The following RGMB variants were observed in gnomAD, a reference collection of about 807,000 sequenced individuals.
RGMB encodes repulsive guidance molecule BMP co-receptor b.
Under a neutral mutation model 26.9 loss-of-function variants are expected in RGMB, and 16 were observed. The ratio of observed to expected loss-of-function variants is 0.60; its 90% CI spans 0.40 to 0.90. RGMB has a LOEUF of 0.90. Ranked by LOEUF, RGMB falls within the 40% of genes least tolerant of loss-of-function variation. The pLI is 0.00. For synonymous variants in RGMB, 225 were observed against 229.3 expected, an observed-to-expected ratio of 0.98 and a Z score of 0.17; for missense variants, 512 against 573.3, an observed-to-expected ratio of 0.89 and a Z score of 1.09.
chr5:98,784,268 T>C (rs1394366497), intron 2 of RGMB, among the ~76,000 whole-genome samples: 1 of 152,214 alleles, frequency 6.6e-6, no homozygotes, highest in African/African-American at 2.4e-5. Flanking sequence ...CATAGTAGCA[T>C]ACCCATCATG....
In RGMB at chr5:98,777,577, GC is replaced by G. The variant is rs553321206; in HGVS notation, c.137-2001del. 3.2e-3 allele frequency among the ~76,000 whole-genome samples: 484 copies of G among 152,284 alleles called. 3 individuals are homozygous for G. The highest frequency in any genetic ancestry group is 0.011 in the African/African-American group (459 of 41,548). On this transcript the variant is annotated intron_variant, in intron 1 of 2. Coordinates refer to ENST00000513185, the MANE Select transcript of RGMB (RefSeq NM_001366508.1). ...ATGATGCTAGCTGTTTTATGATTCT[GC>G]CAGAACAAGCCCTTTAATATCCCTT...
chr5:98,774,279 A>G (rs1371426082), intron 1 of RGMB, 73 bp downstream of exon 1: 1 of 1,323,626 alleles, frequency 7.6e-7, no homozygotes, highest in Non-Finnish European at 9.6e-7. Flanking sequence ...CCAGGTCTCG[A>G]AGGCGCTCGC....
chr5:98,771,805 C>T (rs940094866), upstream of RGMB: 1 of 152,106 alleles, frequency 6.6e-6, no homozygotes, highest in African/African-American at 2.4e-5. Context: ...AGTAAAAAAT[C>T]ATAGAAAGTC....
upstream of RGMB, chr5:98,770,699 A>C: frequency 7.1e-7 from 1 of 1,416,798 alleles, no homozygotes. Flanking sequence ...TGATTTCTCA[A>C]GTCGCCCGCT....
Position 98,779,964 on chromosome 5 carries a change from T to G in RGMB, c.521T>G (p.Phe174Cys). ...TTTGGAGATCCTCACCTCAGAACTT[T>G]CAAGGATAACTTCCAAACATGCAAA... is the stretch of plus-strand genomic sequence containing the variant. ...GLFGDPHLRT[F>C]KDNFQTCKVE... Residue 174 changes from phenylalanine (F) to cysteine (C), a missense_variant, in exon 2 of 3, where the codon TTC (phenylalanine) becomes TGC (cysteine). Phe to Cys is a radical substitution (Grantham distance 205). Coordinates refer to ENST00000513185, the MANE Select transcript of RGMB (RefSeq NM_001366508.1). 1 of 1,613,538 alleles carries G rather than the reference T, an allele frequency of 6.2e-7. No individual in the cohort carries two copies.
At chr5:98,771,207 A>G (rs1746151094), upstream of RGMB, 1 of 152,352 alleles carries the variant, frequency 6.6e-6, no homozygotes, top group South Asian at 2.1e-4. Flanking sequence ...AGAAAGGGAG[A>G]AAGAGTACCA....
chr5:98,782,350 A>C (rs1457817731), intron 2 of RGMB, among the ~76,000 whole-genome samples: 1 of 152,266 alleles, frequency 6.6e-6, no homozygotes, highest in Admixed American at 6.5e-5. Flanking sequence ...AACCTTCAGC[A>C]CAAAAAAGTG....
In RGMB at chr5:98,796,422, CAGTG is replaced by C. The variant is rs962655204; in HGVS notation, c.*2674_*2677del. 2.2e-4 allele frequency: 31 copies of C among 143,720 alleles called. No homozygotes were observed. The East Asian group carries it at 2.9e-3, about 13-fold the overall frequency. 8.9% of individuals were successfully genotyped at this position (143,720 alleles called of 1,614,324 possible). On this transcript the variant is annotated 3_prime_UTR_variant, in exon 3 of 3. Coordinates refer to ENST00000513185, the MANE Select transcript of RGMB (RefSeq NM_001366508.1). The stretch of plus-strand genomic sequence containing the variant: ...TATATGAATACGTATCTGTGTAAAA[CAGTG>C]AGTGTGCAGTGTGTAAATACTTTAA...
At chr5:98,771,900 ATGC>A (rs1456921975), upstream of RGMB, 1 of 151,782 alleles carries the variant, frequency 6.6e-6, no homozygotes, top group Non-Finnish European at 1.5e-5. Context: ...ATAAAGTGAG[ATGC>A]TGCTTTTATA....
At position 98,774,013 on chromosome 5, in the gene RGMB, C is replaced by A; in HGVS notation, c.-58C>A. On this transcript the variant is annotated 5_prime_UTR_variant, in exon 1 of 3. Transcript: ENST00000513185. Reference sequence around the variant, plus strand: ...CATGCCGCAGCCACGGGCCCAGACCCGCCACGGCGCCCGCGCCGCCGCCCT... The same window carrying A: ...CATGCCGCAGCCACGGGCCCAGACCAGCCACGGCGCCCGCGCCGCCGCCCT... 1 of 654,192 alleles carries A rather than the reference C, an allele frequency of 1.5e-6. No homozygotes were observed. Among genetic ancestry groups the A allele is most frequent in the Non-Finnish European group, 2.7e-6 (1 of 372,596 alleles). The allele number at this position is 654,192 out of a possible 1,614,324, so 40.5% of individuals were successfully genotyped here.
At position 98,793,861 on chromosome 5, in the gene RGMB, A is replaced by G. The variant is rs1747027129; in HGVS notation, c.*108A>G. 1 of 867,546 alleles carries G rather than the reference A, an allele frequency of 1.2e-6. No individual in the cohort carries two copies. The highest frequency in any genetic ancestry group is 3.0e-5 in the Admixed American group (1 of 33,540). 53.7% of individuals were successfully genotyped at this position (867,546 alleles called of 1,614,324 possible). A position where few individuals can be genotyped will look rare whatever the true frequency, so the allele number is the denominator to read the frequency against. ...GAGTATATATGTATATACCATGTAT[A>G]TGACAGGATGTTTGTCCTGGGACAC... On this transcript the variant is annotated 3_prime_UTR_variant, in exon 3 of 3. Coordinates refer to ENST00000513185, the MANE Select transcript of RGMB (RefSeq NM_001366508.1).
intron 2 of RGMB, among the ~76,000 whole-genome samples, chr5:98,784,067 G>A (rs118155543): frequency 1.3e-5 from 2 of 152,304 alleles, no homozygotes; most frequent in East Asian, 1.9e-4. Context: ...TCACCCTTGA[G>A]TGAGAGAAGG....
intron 2 of RGMB, among the ~76,000 whole-genome samples, chr5:98,789,527 T>C (rs993559761): frequency 6.6e-6 from 1 of 152,134 alleles, no homozygotes; most frequent in Non-Finnish European, 1.5e-5. Flanking sequence ...CCTCTTAAAA[T>C]TATTTCACAG....
chr5:98,785,147 G>A (rs1580285981), intron 2 of RGMB, among the ~76,000 whole-genome samples: 1 of 152,232 alleles, frequency 6.6e-6, no homozygotes, highest in Admixed American at 6.5e-5. Flanking sequence ...ACACCTCCCT[G>A]CTTAATGTAA....
At chr5:98,771,254 G>C (rs1015543868), upstream of RGMB, 1 of 152,218 alleles carries the variant, frequency 6.6e-6, no homozygotes, top group Admixed American at 6.5e-5. Flanking sequence ...AATTACACAA[G>C]TCATCAGCCA....
chr5:98,779,726 A>G lies in RGMB; in HGVS notation c.283A>G (p.Thr95Ala), dbSNP rs773852734. The change falls in exon 2 of 3, where the codon ACT becomes GCT. Residue 95 changes from threonine to alanine, a missense_variant. Thr to Ala is a moderately conservative substitution (Grantham distance 58, BLOSUM62 0). Transcript: ENST00000513185. ...LRAYAGCTQRTSKACRGNLVY... is the reference protein window; with the variant it reads ...LRAYAGCTQRASKACRGNLVY... Reference sequence around the variant, plus strand: ...TGCCTATGCTGGCTGCACCCAGCGAACTTCAAAAGCCTGCCGTGGCAACCT... The same window carrying G: ...TGCCTATGCTGGCTGCACCCAGCGAGCTTCAAAAGCCTGCCGTGGCAACCT... The G allele has an allele frequency of 6.2e-7, 1 of 1,613,136 alleles. No homozygotes were observed.
chr5:98,771,410 G>C (rs1191109155), upstream of RGMB, among the ~76,000 whole-genome samples: 2 of 152,104 alleles, frequency 1.3e-5, no homozygotes, highest in Non-Finnish European at 2.9e-5. Context: ...GAGTGGCTGC[G>C]GTATAAGCGA....
chr5:98,789,436 T>G lies in RGMB; in HGVS notation c.646-3649T>G, dbSNP rs560884624. On this transcript the variant is annotated intron_variant, in intron 2 of 2. Transcript: ENST00000513185. ...GTACCTCTTGGCGAGGCAGTACCTG[T>G]GTATTTCCCTCTTTGTTGGCTACCT... Among the ~76,000 whole-genome samples the G allele has an allele frequency of 1.3e-3, 205 of 152,320 alleles. 1 individual carries two copies. The highest frequency in any genetic ancestry group is 7.5e-3 in the South Asian group (36 of 4,826).
At chr5:98,774,341 C>G in intron 1 of RGMB, 135 bp downstream of exon 1, 1 of 919,368 alleles carries the variant, frequency 1.1e-6, no homozygotes. Context: ...GAGCCCCTGA[C>G]ACGCACCTCT....
Sources: allele counts gnomAD v4.1 joint callset (sites outside exome capture counted in the v4.1 genomes callset), GRCh38; gene constraint gnomAD v4.1.1; transcripts MANE v1.5; gene names NCBI Gene and HGNC (gene_info 2026-07-23, HGNC 2026-07-21).